MERTK: variants seen among roughly 807,000 people sequenced by gnomAD.
MERTK encodes the protein tyrosine-protein kinase Mer.
MERTK carries 69 observed loss-of-function variants against 99.3 expected under a neutral mutation model. That is an observed-to-expected ratio of 0.70 (90% confidence interval 0.57 to 0.85). MERTK has a LOEUF of 0.85. Ranked by LOEUF, MERTK falls within the 40% of genes least tolerant of loss-of-function variation. MERTK has a pLI of 0.00. For synonymous variants in MERTK, 426 were observed against 467.6 expected, an observed-to-expected ratio of 0.91 and a Z score of 1.15; for missense variants, 1,125 against 1,249.4, an observed-to-expected ratio of 0.90 and a Z score of 1.50.
chr2:111,968,190 A>T lies in MERTK; in HGVS notation c.898A>T (p.Ile300Phe), dbSNP rs1015124151. 6.2e-7 allele frequency: 1 copy of T among 1,614,068 alleles called. No individual in the cohort carries two copies. ...VSIRNSTAHS[I>F]LISWVPGFDG... is the part of the protein sequence containing the mutation. ...CATCCGTAACAGCACTGCACACAGC[A>T]TTCTGATCTCCTGGGTTCCTGGTTT... The change falls in exon 6 of 19, where the codon ATT becomes TTT. Residue 300 changes from isoleucine (I) to phenylalanine (F), a missense_variant. Transcript: ENST00000295408.
At chr2:112,024,019 G>A (rs1357274198) in intron 18 of MERTK, among the ~76,000 whole-genome samples, 3 of 152,162 alleles carry the variant, frequency 2.0e-5, no homozygotes, top group Non-Finnish European at 4.4e-5. Flanking sequence ...TCAGAGCTTC[G>A]TCCCGTTGGT....
At chr2:112,012,241 A>G (rs1291402123) in intron 15 of MERTK, among the ~76,000 whole-genome samples, 1 of 46,574 alleles carries the variant, frequency 2.1e-5, no homozygotes, top group African/African-American at 8.2e-5. Flanking sequence ...CCCGCCCCCC[A>G]CATCAGTCAC....
At chr2:111,901,978 C>T (rs1035401147) in intron 1 of MERTK, among the ~76,000 whole-genome samples, 6 of 152,168 alleles carry the variant, frequency 3.9e-5, no homozygotes, top group African/African-American at 1.2e-4. Flanking sequence ...TCCCGCCTCC[C>T]GGGTTCAAGC....
intron 4 of MERTK, 148 bp from the exon 5 acceptor site, chr2:111,965,043 A>G (rs181711550): frequency 1.3e-6 from 1 of 750,912 alleles, no homozygotes; most frequent in East Asian, 2.8e-5. Context: ...TTGTTTCTCC[A>G]TAGCTAGCAC....
chr2:111,909,707 A>G (rs968660392), intron 1 of MERTK, among the ~76,000 whole-genome samples: 1 of 152,144 alleles, frequency 6.6e-6, no homozygotes, highest in Admixed American at 6.5e-5. Context: ...TGGAAAACGT[A>G]ATTTTGAGTT....
chr2:111,965,951 G>A (rs540766303), intron 5 of MERTK, among the ~76,000 whole-genome samples: 2 of 152,234 alleles, frequency 1.3e-5, no homozygotes, highest in South Asian at 4.1e-4. Flanking sequence ...CCAAGCTAGT[G>A]GAGACATTTC....
rs574921121 is a variant in MERTK at position 111,970,325 on chromosome 2, T to C, written c.960+2073T>C. ...GCGGGTGCCACCACGCCCACCTAAT[T>C]TTTGTATATTTACTAGACATGGGGT... On this transcript the variant is annotated intron_variant, in intron 6 of 18. Coordinates refer to ENST00000295408, the MANE Select transcript of MERTK (RefSeq NM_006343.3). Among the ~76,000 whole-genome samples the C allele has an allele frequency of 1.7e-4, 26 of 151,806 alleles. No individual in the cohort carries two copies. In the South Asian group the frequency reaches 5.2e-3, roughly 30 times the overall value.
At chr2:111,923,314 A>C (rs558663101) in intron 1 of MERTK, among the ~76,000 whole-genome samples, 4 of 152,326 alleles carry the variant, frequency 2.6e-5, no homozygotes, top group Admixed American at 2.6e-4. Context: ...CTGGGTGCTG[A>C]AGAAAGATGA....
intron 7 of MERTK, among the ~76,000 whole-genome samples, chr2:111,981,501 A>G (rs1676370288): frequency 6.6e-6 from 1 of 152,158 alleles, no homozygotes; most frequent in South Asian, 2.1e-4. Context: ...TGCAACCTCC[A>G]TCTCCCAGAT....
intron 10 of MERTK, among the ~76,000 whole-genome samples, chr2:111,999,089 A>G (rs1676816528): frequency 6.6e-6 from 1 of 152,302 alleles, no homozygotes; most frequent in Middle Eastern, 3.4e-3. Flanking sequence ...GTTGGTTGCT[A>G]TTTTGGCATA....
intron 1 of MERTK, among the ~76,000 whole-genome samples, chr2:111,925,294 T>TATATATATATATATATA (rs1573574648): frequency 2.1e-4 from 7 of 33,532 alleles, no homozygotes; most frequent in South Asian, 9.9e-4. Context: ...ATATATATAT[T>TATATATATATATATATA]TTTTTTTTTT....
intron 6 of MERTK, among the ~76,000 whole-genome samples, chr2:111,970,151 G>C (rs901050709): frequency 6.7e-6 from 1 of 149,500 alleles, no homozygotes; most frequent in Non-Finnish European, 1.5e-5. Flanking sequence ...TTGAGATATA[G>C]TTTACTTTTT....
chr2:111,899,488 T>G (rs1043017144), intron 1 of MERTK, among the ~76,000 whole-genome samples: 2 of 152,122 alleles, frequency 1.3e-5, no homozygotes, highest in Non-Finnish European at 2.9e-5. Flanking sequence ...CGTTTACGTT[T>G]ATCTGGATTC....
Position 112,019,504 on chromosome 2 carries a change from T to C in MERTK, c.2171T>C (p.Leu724Ser). Residue 724 changes from leucine (L) to serine (S), a missense_variant, in exon 16 of 19, where the codon TTA becomes TCA. Leu to Ser is a moderately radical substitution (Grantham distance 145). Coordinates refer to ENST00000295408, the MANE Select transcript of MERTK (RefSeq NM_006343.3). ...AACAGGAATTTTCTTCATCGAGATT[T>C]AGCTGCTCGAAACTGCATGTAAGAG... ...LSNRNFLHRD[L>S]AARNCMLRDD... 6.2e-7 allele frequency: 1 copy of C among 1,612,872 alleles called. No individual in the cohort carries two copies. The highest frequency in any genetic ancestry group is 8.5e-7 in the Non-Finnish European group (1 of 1,178,802).
At position 111,956,066 on chromosome 2, in the gene MERTK, A is replaced by G. The variant is rs773476754; in HGVS notation, c.757+8499A>G. On this transcript the variant is annotated intron_variant, in intron 4 of 18. Transcript: ENST00000295408. ...AAACCAACATGGCACATGTATACAT[A>G]TGTAACAAACCTGCACATTGTGCAC... is the stretch of plus-strand genomic sequence containing the variant. Among the ~76,000 whole-genome samples, 55 of 152,072 alleles carry G rather than the reference A, an allele frequency of 3.6e-4. 1 individual carries two copies. The highest frequency in any genetic ancestry group is 2.0e-4 in the Admixed American group (3 of 15,258).
At chr2:111,994,578 T>C (rs1676696327) in intron 9 of MERTK, 174 bp downstream of exon 9, 4 of 849,316 alleles carry the variant, frequency 4.7e-6, no homozygotes, top group South Asian at 1.3e-5. Flanking sequence ...ACCTGGGCAA[T>C]GGGCAACATA....
intron 12 of MERTK, 139 bp downstream of exon 12, chr2:112,003,326 T>C (rs1676908044): frequency 3.5e-6 from 2 of 565,884 alleles, no homozygotes; most frequent in South Asian, 2.1e-5. Context: ...TTTTATTATT[T>C]AAAATGATAG....
At chr2:111,915,243 C>T (rs1214538299) in intron 1 of MERTK, among the ~76,000 whole-genome samples, 1 of 152,016 alleles carries the variant, frequency 6.6e-6, no homozygotes, top group Non-Finnish European at 1.5e-5. Context: ...CTGTTTTATT[C>T]CTGATATTAA....
intron 1 of MERTK, among the ~76,000 whole-genome samples, chr2:111,911,188 G>A (rs1246455207): frequency 6.6e-6 from 1 of 152,138 alleles, no homozygotes; most frequent in Non-Finnish European, 1.5e-5. Flanking sequence ...TGAGCAGGAC[G>A]CTAGCAGCAG....
Sources: gnomAD v4.1 joint callset for allele counts (sites outside exome capture counted in the v4.1 genomes callset) on GRCh38, gnomAD v4.1.1 for gene constraint, MANE v1.5 for transcripts, NCBI Gene and HGNC (gene_info 2026-07-23, HGNC 2026-07-21) for gene names.